UBASH3B: variants seen among roughly 807,000 people sequenced by gnomAD.
UBASH3B encodes the protein ubiquitin-associated and SH3 domain-containing protein B.
In UBASH3B, 37 loss-of-function variants were observed where a neutral mutation model predicts 83.4. The ratio of observed to expected loss-of-function variants is 0.44; its 90% CI spans 0.34 to 0.58. The LOEUF (loss-of-function observed/expected upper bound fraction) is 0.58, where lower values mean the gene tolerates loss of function less well. Ranked by LOEUF, UBASH3B falls within the 20% of genes least tolerant of loss-of-function variation. The pLI, the probability that UBASH3B is intolerant of heterozygous loss-of-function variation, is 0.01. For synonymous variants in UBASH3B, 304 were observed against 318.3 expected (o/e 0.96, Z 0.48); for missense variants, 657 against 827.2 (o/e 0.79, Z 2.52).
Position 122,801,202 on chromosome 11 carries a change from A to T in UBASH3B, c.1465A>T (p.Asn489Tyr). 4 of 1,614,198 alleles carry T rather than the reference A, an allele frequency of 2.5e-6. No homozygotes were observed. Among genetic ancestry groups the T allele is most frequent in the Non-Finnish European group, 3.4e-6 (4 of 1,180,012 alleles). ...TTACCCCTAAGGTTTACAACAAGAAAATCACTTGAAGATCCGTGTAGAGCC... is the reference window on the plus strand; with the variant it reads ...TTACCCCTAAGGTTTACAACAAGAATATCACTTGAAGATCCGTGTAGAGCC... ...HNILKGLQQE[N>Y]HLKIRVEPGL... is the part of the protein sequence containing the mutation. The change falls in exon 11 of 14, where the codon AAT (asparagine) becomes TAT (tyrosine). Residue 489 changes from asparagine (N) to tyrosine (Y), a missense_variant. Transcript: ENST00000284273.
chr11:122,662,716 A>C (rs1863462273), intron 1 of UBASH3B, among the ~76,000 whole-genome samples: 1 of 151,390 alleles, frequency 6.6e-6, no homozygotes, highest in Non-Finnish European at 1.5e-5. Flanking sequence ...CAGGCATGAG[A>C]CACCACGCCC....
chr11:122,672,498 G>C (rs1039880719), intron 1 of UBASH3B, among the ~76,000 whole-genome samples: 1 of 151,960 alleles, frequency 6.6e-6, no homozygotes, highest in African/African-American at 2.4e-5. Context: ...GCTACTTTTT[G>C]TGTTTTTAGT....
chr11:122,741,426 G>A lies in UBASH3B; in HGVS notation c.162-34793G>A, dbSNP rs552121202. On this transcript the variant is annotated intron_variant, in intron 1 of 13. Transcript: ENST00000284273. ...TGTTTACCAATAAATGAACATTCGG[G>A]TTCGTGTTAGAACTCAGTGAATGAG... Among the ~76,000 whole-genome samples, 323 of 152,300 alleles carry A rather than the reference G, an allele frequency of 2.1e-3. 1 individual carries two copies. Among genetic ancestry groups the A allele is most frequent in the African/African-American group, 7.6e-3 (315 of 41,568 alleles).
At chr11:122,769,217 A>G (rs1480783350) in intron 1 of UBASH3B, among the ~76,000 whole-genome samples, 1 of 152,102 alleles carries the variant, frequency 6.6e-6, no homozygotes, top group Non-Finnish European at 1.5e-5. Context: ...AGAAGAAGGG[A>G]GAGAGAGAGG....
intron 1 of UBASH3B, among the ~76,000 whole-genome samples, chr11:122,658,802 C>T (rs958788649): frequency 3.3e-5 from 5 of 152,224 alleles, no homozygotes; most frequent in Admixed American, 3.3e-4. Flanking sequence ...GTGTTAGTTA[C>T]TGTATTAGCT....
At chr11:122,701,493 A>G (rs1449856765) in intron 1 of UBASH3B, among the ~76,000 whole-genome samples, 1 of 152,088 alleles carries the variant, frequency 6.6e-6, no homozygotes, top group Non-Finnish European at 1.5e-5. Flanking sequence ...GGTAATACTC[A>G]CAGTTTCCAA....
intron 1 of UBASH3B, among the ~76,000 whole-genome samples, chr11:122,774,530 C>T (rs1860700537): frequency 6.6e-6 from 1 of 152,168 alleles, no homozygotes; most frequent in Non-Finnish European, 1.5e-5. Context: ...TCTGAGGTCC[C>T]TTCCAATCCA....
intron 1 of UBASH3B, chr11:122,775,796 A>G (rs1860721565): frequency 6.3e-6 from 1 of 158,840 alleles, no homozygotes; most frequent in Admixed American, 6.5e-5. Flanking sequence ...AAGAAAAAAG[A>G]AAACCATCAG....
At position 122,813,102 on chromosome 11, in the gene UBASH3B, A is replaced by AAAT; in HGVS notation, c.*3219_*3221dup. 6.6e-6 allele frequency: 1 copy of AAAT among 152,494 alleles called. No homozygotes were observed. Among genetic ancestry groups the AAAT allele is most frequent in the South Asian group, 2.1e-4 (1 of 4,820 alleles). The allele number at this position is 152,494 out of a possible 1,614,324, so 9.4% of individuals were successfully genotyped here. A position where few individuals can be genotyped will look rare whatever the true frequency, so the allele number is the denominator to read the frequency against. Reference sequence around the variant, plus strand: ...TATATTTAAAAGATGATTTTGCAAAAAATAAAAAATAAAAAATATGCCTTC... The same window carrying AAAT: ...TATATTTAAAAGATGATTTTGCAAAAAATAATAAAAAATAAAAAATATGCCTTC... On this transcript the variant is annotated 3_prime_UTR_variant, in exon 14 of 14. Coordinates refer to ENST00000284273, the MANE Select transcript of UBASH3B (RefSeq NM_032873.5).
intron 1 of UBASH3B, among the ~76,000 whole-genome samples, chr11:122,767,524 G>A (rs1357342747): frequency 2.0e-5 from 3 of 152,202 alleles, no homozygotes; most frequent in East Asian, 3.9e-4. Flanking sequence ...TGTTGGCCAG[G>A]ATGGTCTCGA....
chr11:122,701,408 T>C (rs1406250593), intron 1 of UBASH3B, among the ~76,000 whole-genome samples: 1 of 152,186 alleles, frequency 6.6e-6, no homozygotes, highest in East Asian at 1.9e-4. Flanking sequence ...CTCTTATTAA[T>C]GAGAACGAGG....
intron 1 of UBASH3B, among the ~76,000 whole-genome samples, chr11:122,771,860 G>A (rs1216986313): frequency 6.6e-6 from 1 of 151,332 alleles, no homozygotes; most frequent in Non-Finnish European, 1.5e-5. Context: ...TGTGTCTGTG[G>A]GGCACTGCAC....
rs1369333412 is a variant in UBASH3B, at chr11:122,779,630, A to C, written c.536A>C (p.Glu179Ala). 1 of 1,614,098 alleles carries C rather than the reference A, an allele frequency of 6.2e-7. No homozygotes were observed. The highest frequency in any genetic ancestry group is 8.5e-7 in the Non-Finnish European group (1 of 1,180,044). Reference sequence around the variant, plus strand: ...AACTTCATCGGCCTCTTTGTAAAGGAAGACAGTGCGGAGGTCCTCAAGAAG... The same window carrying C: ...AACTTCATCGGCCTCTTTGTAAAGGCAGACAGTGCGGAGGTCCTCAAGAAG... ...SSNFIGLFVK[E>A]DSAEVLKKFA... is the part of the protein sequence containing the mutation. The change falls in exon 4 of 14, where the codon GAA (glutamate) becomes GCA (alanine). Residue 179 changes from glutamate to alanine, a missense_variant. By Grantham distance (107) the Glu-to-Ala change is moderately radical (BLOSUM62 -1). Transcript: ENST00000284273.
At chr11:122,720,330 C>G (rs1860602254) in intron 1 of UBASH3B, among the ~76,000 whole-genome samples, 1 of 152,236 alleles carries the variant, frequency 6.6e-6, no homozygotes, top group East Asian at 1.9e-4. Flanking sequence ...GTGAATCTGT[C>G]AGCTTCGCCG....
intron 11 of UBASH3B, among the ~76,000 whole-genome samples, chr11:122,804,207 G>A (rs1861301228): frequency 6.6e-6 from 1 of 152,148 alleles, no homozygotes; most frequent in Non-Finnish European, 1.5e-5. Flanking sequence ...TGATGGAACT[G>A]GGTGAGAGGT....
At chr11:122,704,982 T>C (rs2135931772) in intron 1 of UBASH3B, among the ~76,000 whole-genome samples, 1 of 152,300 alleles carries the variant, frequency 6.6e-6, no homozygotes, top group Middle Eastern at 3.4e-3. Flanking sequence ...AGGATTTGTT[T>C]TCAGGCTCTA....
rs1860819297 is a variant in UBASH3B, at chr11:122,779,820, G to A, written c.601+125G>A. On this transcript the variant is annotated intron_variant, in intron 4 of 13. Coordinates refer to ENST00000284273, the MANE Select transcript of UBASH3B (RefSeq NM_032873.5). ...GGAGGTGGAGGACCCTGCAGGAATG[G>A]ACGTGTGACAAAAAAACAGCCTTTT... The A allele has an allele frequency of 2.4e-5, 28 of 1,152,636 alleles. No homozygotes were observed. The South Asian group carries it at 3.9e-4, about 16-fold the overall frequency. 71.4% of individuals were successfully genotyped at this position (1,152,636 alleles called of 1,614,324 possible).
intron 1 of UBASH3B, among the ~76,000 whole-genome samples, chr11:122,657,435 T>C (rs1834552544): frequency 6.6e-6 from 1 of 152,094 alleles, no homozygotes; most frequent in Non-Finnish European, 1.5e-5. Flanking sequence ...ACCATAGACA[T>C]GCGCCACCAC....
rs879570567 is a variant in UBASH3B at position 122,807,735 on chromosome 11, A to G, written c.1703-332A>G. Among the ~76,000 whole-genome samples, 5 of 151,974 alleles carry G rather than the reference A, an allele frequency of 3.3e-5. 1 individual carries two copies. In the South Asian group the frequency reaches 1.0e-3, roughly 32 times the overall value. ...CCAGCTAATTTTTTAAAAATTTTCT[A>G]TAGGGACAGGGTCTCACTATGTTGC... On this transcript the variant is annotated intron_variant, in intron 12 of 13. Transcript: ENST00000284273.
Sources: allele counts gnomAD v4.1 joint callset (sites outside exome capture counted in the v4.1 genomes callset), GRCh38; gene constraint gnomAD v4.1.1; transcripts MANE v1.5; gene names NCBI Gene and HGNC (gene_info 2026-07-23, HGNC 2026-07-21).